The following GLIS3 variants were observed in gnomAD, a reference collection of about 807,000 sequenced individuals.
The protein encoded by GLIS3 is GLIS family zinc finger 3.
GLIS3 carries 53 observed loss-of-function variants against 78.6 expected under a neutral mutation model. That is an observed-to-expected ratio of 0.67 (90% confidence interval 0.54 to 0.85). GLIS3 has a LOEUF of 0.85. Ranked by LOEUF, GLIS3 falls within the 40% of genes least tolerant of loss-of-function variation. The pLI, the probability that GLIS3 is intolerant of heterozygous loss-of-function variation, is 0.00. For synonymous variants in GLIS3, 684 were observed against 509.9 expected (o/e 1.34, Z -4.60); for missense variants, 1,703 against 1,231.1 (o/e 1.38, Z -5.74).
At chr9:4,353,637 G>A in the GLIS3 span, among the ~76,000 whole-genome samples, 1 of 152,108 alleles carries the variant, frequency 6.6e-6, no homozygotes, top group Non-Finnish European at 1.5e-5. Flanking sequence ...ACCCAAAACG[G>A]GCCGTAATCT....
chr9:4,196,035 A>G (rs1403478599), intron 2 of GLIS3, among the ~76,000 whole-genome samples: 3 of 152,082 alleles, frequency 2.0e-5, no homozygotes, highest in Non-Finnish European at 4.4e-5. Context: ...GGGGACTTGG[A>G]GAACTTTTAT....
chr9:4,366,166 G>A, the GLIS3 span, among the ~76,000 whole-genome samples: 4 of 152,286 alleles, frequency 2.6e-5, no homozygotes, highest in South Asian at 4.1e-4. Context: ...AACTTTAACC[G>A]TCCTTAATTT....
the GLIS3 span, among the ~76,000 whole-genome samples, chr9:4,461,566 A>C: frequency 6.6e-6 from 1 of 151,828 alleles, no homozygotes; most frequent in Non-Finnish European, 1.5e-5. Flanking sequence ...ATTCTTTGCT[A>C]CTCCTCCCTC....
At chr9:4,481,481 AAATTAATTAATTAATT>A in the GLIS3 span, among the ~76,000 whole-genome samples, 2 of 149,680 alleles carry the variant, frequency 1.3e-5, no homozygotes. Flanking sequence ...CCCCATCAAA[AAATTAATTAATTAATT>A]AATTAATTAA....
chr9:4,349,750 C>T (rs1457382834), upstream of GLIS3, among the ~76,000 whole-genome samples: 2 of 152,056 alleles, frequency 1.3e-5, no homozygotes. Flanking sequence ...CAGGGCTTGA[C>T]AGCAAAAAGG....
At chr9:4,058,111 G>A (rs949895701) in intron 4 of GLIS3, among the ~76,000 whole-genome samples, 1 of 152,080 alleles carries the variant, frequency 6.6e-6, no homozygotes, top group Non-Finnish European at 1.5e-5. Context: ...AATCACAAAT[G>A]TACCTATATC....
At chr9:3,883,499 G>A (rs754157575) in intron 7 of GLIS3, among the ~76,000 whole-genome samples, 79 of 152,108 alleles carry the variant, frequency 5.2e-4, no homozygotes, top group Non-Finnish European at 1.1e-3. Context: ...AATGTCATTC[G>A]CAAAAGGAAA....
chr9:4,279,181 C>T (rs148255097), intron 2 of GLIS3, among the ~76,000 whole-genome samples: 305 of 151,274 alleles, frequency 2.0e-3, no homozygotes, highest in African/African-American at 7.2e-3. Flanking sequence ...CACCTGTAAT[C>T]CCAGCTACTC....
At chr9:4,263,337 C>G (rs1825699559) in intron 2 of GLIS3, among the ~76,000 whole-genome samples, 1 of 152,136 alleles carries the variant, frequency 6.6e-6, no homozygotes, top group Non-Finnish European at 1.5e-5. Flanking sequence ...TTATTAAGAA[C>G]TATTATGGTT....
chr9:4,164,725 G>A (rs1286153072), intron 2 of GLIS3, among the ~76,000 whole-genome samples: 2 of 152,002 alleles, frequency 1.3e-5, no homozygotes, highest in African/African-American at 4.8e-5. Flanking sequence ...AAACAATATT[G>A]GAAAGCAAAA....
intron 4 of GLIS3, among the ~76,000 whole-genome samples, chr9:4,101,475 C>T (rs575412520): frequency 9.2e-5 from 14 of 152,158 alleles, no homozygotes; most frequent in Non-Finnish European, 1.9e-4. Flanking sequence ...TATCATTTGT[C>T]AGTGTCTATT....
intron 7 of GLIS3, among the ~76,000 whole-genome samples, chr9:3,891,104 AGAG>A (rs1453973606): frequency 4.7e-5 from 7 of 149,734 alleles, no homozygotes; most frequent in Admixed American, 3.3e-4. Context: ...AGTAGGAGGA[AGAG>A]GAGGAGGAGG....
At chr9:3,847,794 G>A (rs1335978360) in intron 9 of GLIS3, among the ~76,000 whole-genome samples, 2 of 152,208 alleles carry the variant, frequency 1.3e-5, no homozygotes, top group Admixed American at 1.3e-4. Context: ...TACTACTTAT[G>A]TAAAACTGTT....
chr9:4,443,015 C>T, the GLIS3 span, among the ~76,000 whole-genome samples: 2 of 152,130 alleles, frequency 1.3e-5, no homozygotes, highest in African/African-American at 4.8e-5. Flanking sequence ...CTGTGTCCTC[C>T]CACCTCCCAA....
intron 4 of GLIS3, among the ~76,000 whole-genome samples, chr9:4,062,035 C>G (rs555428195): frequency 6.6e-6 from 1 of 152,162 alleles, no homozygotes; most frequent in Non-Finnish European, 1.5e-5. Flanking sequence ...TTCAGGCTGT[C>G]CCAGCATCTT....
chr9:4,430,904 G>A, the GLIS3 span, among the ~76,000 whole-genome samples: 1 of 152,082 alleles, frequency 6.6e-6, no homozygotes, highest in Non-Finnish European at 1.5e-5. Context: ...GAAATAAAAG[G>A]TTGTCACAAA....
intron 2 of GLIS3, among the ~76,000 whole-genome samples, chr9:4,281,126 T>C (rs1827507401): frequency 6.6e-6 from 1 of 152,202 alleles, no homozygotes; most frequent in African/African-American, 2.4e-5. Context: ...AAATAGTATT[T>C]TTATTTCATT....
At chr9:4,286,950 G>A (rs1268091648) in intron 1 of GLIS3, among the ~76,000 whole-genome samples, 2 of 152,180 alleles carry the variant, frequency 1.3e-5, no homozygotes, top group East Asian at 1.9e-4. Context: ...CAACCACAAA[G>A]CAGACATGGC....
At chr9:4,246,460 A>G (rs1235428779) in intron 2 of GLIS3, among the ~76,000 whole-genome samples, 1 of 152,206 alleles carries the variant, frequency 6.6e-6, no homozygotes, top group African/African-American at 2.4e-5. Context: ...CTCAAGAGGT[A>G]TGGTCTTATA....
Sources: gnomAD v4.1 joint callset for allele counts (sites outside exome capture counted in the v4.1 genomes callset) on GRCh38, gnomAD v4.1.1 for gene constraint, MANE v1.5 for transcripts, NCBI Gene and HGNC (gene_info 2026-07-23, HGNC 2026-07-21) for gene names.